The following ABCA1 variants were observed in gnomAD, a reference collection of about 807,000 sequenced individuals.
The protein encoded by ABCA1 is ATP binding cassette subfamily A member 1.
ABCA1 carries 133 observed loss-of-function variants against 262.5 expected under a neutral mutation model. That is an observed-to-expected ratio of 0.51 (90% CI 0.44 to 0.59). The LOEUF (loss-of-function observed/expected upper bound fraction) is 0.59, where lower values mean the gene tolerates loss of function less well. Ranked by LOEUF, ABCA1 falls within the 20% of genes least tolerant of loss-of-function variation. The pLI is 0.00. For missense variants in ABCA1, 2,452 were observed against 2,777.5 expected (o/e 0.88, Z 2.63); for synonymous variants, 1,022 against 1,043.5 (o/e 0.98, Z 0.40).
At chr9:104,841,250 A>G (rs572841635) in intron 8 of ABCA1, among the ~76,000 whole-genome samples, 20 of 152,230 alleles carry the variant, frequency 1.3e-4, no homozygotes, top group African/African-American at 4.8e-4. Flanking sequence ...AGCCTGGCCA[A>G]CATGGTGAAA....
chr9:104,793,048 A>T, intron 41 of ABCA1, 123 bp downstream of exon 41: 1 of 1,585,824 alleles, frequency 6.3e-7, no homozygotes, highest in Non-Finnish European at 8.6e-7. Flanking sequence ...CCACATCAGG[A>T]AAATCAGTTT....
chr9:104,798,859 T>C (rs1336120191), intron 36 of ABCA1, among the ~76,000 whole-genome samples: 1 of 152,202 alleles, frequency 6.6e-6, no homozygotes, highest in African/African-American at 2.4e-5. Flanking sequence ...ATAAAACTAA[T>C]GAAGGAAGTC....
intron 5 of ABCA1, among the ~76,000 whole-genome samples, chr9:104,870,669 G>A (rs924305721): frequency 3.9e-5 from 6 of 151,934 alleles, no homozygotes; most frequent in Admixed American, 6.6e-5. Flanking sequence ...TGAGTTTCAT[G>A]TGCGTCTGTG....
intron 5 of ABCA1, among the ~76,000 whole-genome samples, chr9:104,875,117 T>C (rs953668287): frequency 1.3e-5 from 2 of 151,748 alleles, no homozygotes; most frequent in East Asian, 3.9e-4. Flanking sequence ...GAAGTAGACA[T>C]AGGAGATTCC....
intron 39 of ABCA1, 43 bp from the exon 40 acceptor site, chr9:104,794,553 G>A (rs1196617044): frequency 6.6e-7 from 1 of 1,508,576 alleles, no homozygotes; most frequent in Non-Finnish European, 9.1e-7. Flanking sequence ...GAGGGTGAGG[G>A]AGAAGAAACG....
intron 28 of ABCA1, 44 bp from the exon 29 acceptor site, chr9:104,810,968 G>C: frequency 6.2e-7 from 1 of 1,613,306 alleles, no homozygotes; most frequent in Non-Finnish European, 8.5e-7. Context: ...GCAGGAAACG[G>C]CAAGTGTTAG....
chr9:104,817,927 T>C lies in ABCA1; in HGVS notation c.3463-523A>G, dbSNP rs1304978232. ...TAAATAAGTGGATAGGAGTTTCAGGTTGGGATGTAAATACATTAGGTACCA... is the reference window on the plus strand; with the variant it reads ...TAAATAAGTGGATAGGAGTTTCAGGCTGGGATGTAAATACATTAGGTACCA... On this transcript the variant is annotated intron_variant, in intron 23 of 49. Transcript: ENST00000374736. The surrounding 1 kb of genome is among the most constrained non-coding windows in gnomAD (Gnocchi z 4.7). Among the ~76,000 whole-genome samples the C allele has an allele frequency of 6.6e-6, 1 of 152,114 alleles. No individual in the cohort carries two copies. The highest frequency in any genetic ancestry group is 1.5e-5 in the Non-Finnish European group (1 of 68,014).
At position 104,798,451 on chromosome 9, in the gene ABCA1, G is replaced by T; in HGVS notation, c.5091C>A (p.Ile1697=). The T allele has an allele frequency of 6.2e-7, 1 of 1,614,216 alleles. No individual in the cohort carries two copies. The highest frequency in any genetic ancestry group is 8.5e-7 in the Non-Finnish European group (1 of 1,180,032). The change falls in exon 37 of 50, where the codon ATC becomes ATA. Residue 1697 remains isoleucine, a synonymous_variant. Coordinates refer to ENST00000374736, the MANE Select transcript of ABCA1 (RefSeq NM_005502.4). Reference sequence around the variant, plus strand: ...CCCAGACAAAATTAGAGAGCCAGTAGATGACAGGCTTCACTCCACTGATGA... The same window carrying T: ...CCCAGACAAAATTAGAGAGCCAGTATATGACAGGCTTCACTCCACTGATGA... ...LQFISGVKPV[I]YWLSNFVWDM...
intron 5 of ABCA1, among the ~76,000 whole-genome samples, chr9:104,876,761 T>C (rs1300179146): frequency 2.0e-5 from 3 of 152,112 alleles, no homozygotes; most frequent in Admixed American, 6.5e-5. Flanking sequence ...AATGCCAGAT[T>C]CACCAGAGAG....
At position 104,882,047 on chromosome 9, in the gene ABCA1, A is replaced by C. The variant is rs958542248; in HGVS notation, c.421+992T>G. ...TAGCCTTAAAAAAAAAAAAAAAAAA[A>C]AAAAAAAAAACTCAAATCTGAGTCT... is the stretch of plus-strand genomic sequence containing the variant. On this transcript the variant is annotated intron_variant, in intron 5 of 49. Transcript: ENST00000374736. Among the ~76,000 whole-genome samples the C allele has an allele frequency of 7.9e-4, 118 of 149,478 alleles. 2 individuals are homozygous for C. The highest frequency in any genetic ancestry group is 1.5e-3 in the Non-Finnish European group (98 of 66,946).
In ABCA1 at chr9:104,821,750, C is replaced by T. The variant is rs2740475; in HGVS notation, c.2829-244G>A. On this transcript the variant is annotated intron_variant, in intron 19 of 49. Coordinates refer to ENST00000374736, the MANE Select transcript of ABCA1 (RefSeq NM_005502.4). ...GCATTTTTTAAACGAAGTTTCCAAT[C>T]TGCAATGAAAGTATTCTTTAAAAAA... Among the ~76,000 whole-genome samples the T allele has an allele frequency of 0.98, 148,668 of 152,362 alleles. 72,561 individuals are homozygous for T. The highest frequency in any genetic ancestry group is 1 in the East Asian group (5,187 of 5,190).
Position 104,828,928 on chromosome 9 carries a change from C to A in ABCA1, c.2103G>T (p.Val701=), listed in dbSNP as rs774349282. Reference sequence around the variant, plus strand: ...GAGGCTGCCTTACCTTCAGGATGACCACTAGCAGGCCAGCGCTCACAAGAA... The same window carrying A: ...GAGGCTGCCTTACCTTCAGGATGACAACTAGCAGGCCAGCGCTCACAAGAA... ...IPLLVSAGLL[V]VILKLGNLLP... The change falls in exon 15 of 50, where the codon GTG becomes GTT. Residue 701 remains valine, a synonymous_variant. Transcript: ENST00000374736. The A allele has an allele frequency of 3.7e-6, 6 of 1,614,076 alleles. No individual in the cohort carries two copies. In the South Asian group the frequency reaches 5.5e-5, roughly 15 times the overall value.
chr9:104,842,957 C>T (rs1194973526), intron 8 of ABCA1, among the ~76,000 whole-genome samples: 1 of 152,174 alleles, frequency 6.6e-6, no homozygotes, highest in Non-Finnish European at 1.5e-5. Flanking sequence ...TCCTTAAACA[C>T]ATTCCTTAGG....
intron 33 of ABCA1, among the ~76,000 whole-genome samples, chr9:104,802,495 A>G (rs1013336344): frequency 2.6e-5 from 4 of 152,076 alleles, no homozygotes; most frequent in African/African-American, 7.2e-5. Flanking sequence ...GCAGATGGGG[A>G]GTTGGGAGAG....
At chr9:104,838,242 G>C (rs1406954293) in intron 9 of ABCA1, among the ~76,000 whole-genome samples, 2 of 150,656 alleles carry the variant, frequency 1.3e-5, no homozygotes, top group East Asian at 3.9e-4. Context: ...GGCAGAGGTT[G>C]CAGTGAGCCG....
rs747625329 is a variant in ABCA1, at chr9:104,840,484, C to T, written c.849G>A (p.Gln283=). The T allele has an allele frequency of 3.7e-6, 6 of 1,613,954 alleles. No individual in the cohort carries two copies. Among genetic ancestry groups the T allele is most frequent in the Admixed American group, 1.7e-5 (1 of 60,006 alleles). Residue 283 remains glutamine, a synonymous_variant, in exon 9 of 50, where the codon CAG becomes CAA. Coordinates refer to ENST00000374736, the MANE Select transcript of ABCA1 (RefSeq NM_005502.4). ...FSMRSWSDMR[Q]EVMFLTNVNS... ...TCACATTGGTCAGAAACATCACCTC[C>T]TGTCGCATGTCACTCCAGCTTCTCA...
chr9:104,891,385 C>A (rs1371641611), intron 2 of ABCA1, among the ~76,000 whole-genome samples: 3 of 151,200 alleles, frequency 2.0e-5, no homozygotes, highest in Non-Finnish European at 4.4e-5. Flanking sequence ...CATGGTGAAA[C>A]CCCATCTCTA....
chr9:104,903,391 C>G (rs1840827605), intron 2 of ABCA1, among the ~76,000 whole-genome samples: 1 of 152,140 alleles, frequency 6.6e-6, no homozygotes, highest in African/African-American at 2.4e-5. Context: ...GGCAGTAGCA[C>G]AAACCAAAGC....
Position 104,783,171 on chromosome 9 carries a change from A to G in ABCA1, c.*1144T>C, listed in dbSNP as rs1172834988. ...TGCAAACTTACATAAGAAAATAAAA[A>G]TAGTGGGGCAGTGGCCATACTCCTC... is the stretch of plus-strand genomic sequence containing the variant. On this transcript the variant is annotated 3_prime_UTR_variant, in exon 50 of 50. Coordinates refer to ENST00000374736, the MANE Select transcript of ABCA1 (RefSeq NM_005502.4). 1.3e-5 allele frequency: 2 copies of G among 152,244 alleles called. No individual in the cohort carries two copies. Among genetic ancestry groups the G allele is most frequent in the Non-Finnish European group, 2.9e-5 (2 of 68,048 alleles). 9.4% of individuals were successfully genotyped at this position (152,244 alleles called of 1,614,324 possible). A position where few individuals can be genotyped will look rare whatever the true frequency, so the allele number is the denominator to read the frequency against.
Sources: allele counts gnomAD v4.1 joint callset (sites outside exome capture counted in the v4.1 genomes callset), GRCh38; gene constraint gnomAD v4.1.1; non-coding constraint Gnocchi (gnomAD v3.1); transcripts MANE v1.5; gene names NCBI Gene and HGNC (gene_info 2026-07-23, HGNC 2026-07-21).